Variants in THRB observed in about 807,000 individuals in gnomAD.
The protein encoded by THRB is thyroid hormone receptor beta.
A neutral mutation model predicts 47.8 loss-of-function variants in THRB; 12 were observed. That is an observed-to-expected ratio of 0.25 (90% CI 0.16 to 0.41). THRB has a LOEUF of 0.41. THRB is among the 10% of genes least tolerant of loss of function. The pLI is 1.00. For missense variants in THRB, 348 were observed against 589.2 expected (o/e 0.59, Z 4.24); for synonymous variants, 218 against 212.2 (o/e 1.03, Z -0.24).
At chr3:24,211,573 C>T (rs2046030780) in intron 4 of THRB, among the ~76,000 whole-genome samples, 1 of 152,162 alleles carries the variant, frequency 6.6e-6, no homozygotes, top group Non-Finnish European at 1.5e-5. Context: ...AGGCTTTTAT[C>T]TTAAGCAAGT....
chr3:24,201,362 A>G (rs1162906551), intron 4 of THRB, among the ~76,000 whole-genome samples: 1 of 152,042 alleles, frequency 6.6e-6, no homozygotes, highest in Non-Finnish European at 1.5e-5. Context: ...ATGGCTTGTG[A>G]ATATCTACGG....
intron 1 of THRB, among the ~76,000 whole-genome samples, chr3:24,427,812 T>C (rs1468094633): frequency 6.6e-6 from 1 of 152,088 alleles, no homozygotes; most frequent in Non-Finnish European, 1.5e-5. Flanking sequence ...ACTTGAATCA[T>C]AGTATCACAG....
intron 4 of THRB, among the ~76,000 whole-genome samples, chr3:24,193,380 C>T (rs191776726): frequency 6.6e-6 from 1 of 152,152 alleles, no homozygotes; most frequent in East Asian, 1.9e-4. Context: ...ATCAAGTTCT[C>T]CAGGTGATTC....
chr3:24,322,005 G>A (rs1327124191), intron 2 of THRB, among the ~76,000 whole-genome samples: 4 of 151,926 alleles, frequency 2.6e-5, no homozygotes, highest in African/African-American at 4.8e-5. Flanking sequence ...AATTACAGAT[G>A]TGAGTTGGAT....
intron 1 of THRB, among the ~76,000 whole-genome samples, chr3:24,397,749 AT>A (rs1306058386): frequency 6.6e-6 from 1 of 151,688 alleles, no homozygotes; most frequent in Non-Finnish European, 1.5e-5. Context: ...CACCTGGCTA[AT>A]TTTTTTGTAT....
In THRB at chr3:24,267,239, A is replaced by G. The variant is rs573152483; in HGVS notation, c.-43+29987T>C. The stretch of plus-strand genomic sequence containing the variant: ...AATAGTCAGTGAAGAGGAAAATGAC[A>G]GAATTTGTAGCAGTTACATAAGTGG... On this transcript the variant is annotated intron_variant, in intron 3 of 10. Transcript: ENST00000646209. Among the ~76,000 whole-genome samples, 22 of 152,268 alleles carry G rather than the reference A, an allele frequency of 1.4e-4. 1 individual carries two copies. In the South Asian group the frequency reaches 4.4e-3, roughly 30 times the overall value.
intron 1 of THRB, among the ~76,000 whole-genome samples, chr3:24,451,157 T>C (rs2072609019): frequency 6.6e-6 from 1 of 151,490 alleles, no homozygotes; most frequent in African/African-American, 2.4e-5. Flanking sequence ...ACGTCTAAAT[T>C]ACCAAATATT....
chr3:24,148,976 G>A (rs2036512959), intron 6 of THRB, among the ~76,000 whole-genome samples: 1 of 152,146 alleles, frequency 6.6e-6, no homozygotes, highest in Admixed American at 6.5e-5. Context: ...TTCATACACT[G>A]TTACAAGATT....
chr3:24,454,878 A>G (rs1011962676), intron 1 of THRB, among the ~76,000 whole-genome samples: 2 of 152,176 alleles, frequency 1.3e-5, no homozygotes, highest in African/African-American at 4.8e-5. Flanking sequence ...GATAATGAGA[A>G]TGAGAATCAG....
chr3:24,297,612 C>T (rs1389877082), intron 2 of THRB, among the ~76,000 whole-genome samples: 4 of 152,230 alleles, frequency 2.6e-5, no homozygotes, highest in Non-Finnish European at 2.9e-5. Context: ...GGGATGCTGG[C>T]GGCTTCGTCT....
At chr3:24,330,255 C>T (rs2061838499) in intron 2 of THRB, among the ~76,000 whole-genome samples, 2 of 151,944 alleles carry the variant, frequency 1.3e-5, no homozygotes, top group Non-Finnish European at 2.9e-5. Flanking sequence ...TGCAGTGAGC[C>T]GAGATTGCGC....
intron 1 of THRB, among the ~76,000 whole-genome samples, chr3:24,361,714 T>C (rs115836974): frequency 1.4e-3 from 220 of 152,274 alleles, no homozygotes; most frequent in Non-Finnish European, 1.9e-3. Flanking sequence ...TCCTTATGTA[T>C]GGATTTGTTT....
chr3:24,227,126 CT>C (rs1484124024), intron 4 of THRB, among the ~76,000 whole-genome samples: 1 of 152,166 alleles, frequency 6.6e-6, no homozygotes, highest in East Asian at 1.9e-4. Flanking sequence ...GAGTCCAGAT[CT>C]TTGGACACTT....
At chr3:24,330,121 A>C (rs1477027151) in intron 2 of THRB, among the ~76,000 whole-genome samples, 1 of 151,792 alleles carries the variant, frequency 6.6e-6, no homozygotes, top group African/African-American at 2.4e-5. Flanking sequence ...CTGGCTAACA[A>C]GGTGAAACCC....
At chr3:24,484,751 G>A (rs748169778) in intron 1 of THRB, among the ~76,000 whole-genome samples, 6 of 152,148 alleles carry the variant, frequency 3.9e-5, no homozygotes, top group Non-Finnish European at 8.8e-5. Context: ...AGTTTCAACA[G>A]AGACTGTGTG....
chr3:24,484,362 C>T (rs980002400), intron 1 of THRB, among the ~76,000 whole-genome samples: 1 of 152,054 alleles, frequency 6.6e-6, no homozygotes, highest in Non-Finnish European at 1.5e-5. Flanking sequence ...AGCTACTAGC[C>T]ATAAGTGGCT....
chr3:24,232,404 C>T (rs2048347416), intron 3 of THRB, among the ~76,000 whole-genome samples: 1 of 152,200 alleles, frequency 6.6e-6, no homozygotes, highest in Non-Finnish European at 1.5e-5. Flanking sequence ...TTACCTGTCT[C>T]TTCAGAGTAG....
At chr3:24,239,315 C>A (rs1350074871) in intron 3 of THRB, among the ~76,000 whole-genome samples, 1 of 152,024 alleles carries the variant, frequency 6.6e-6, no homozygotes, top group Non-Finnish European at 1.5e-5. Context: ...CAGTGGCTTT[C>A]TGTGAGGTGT....
intron 5 of THRB, among the ~76,000 whole-genome samples, chr3:24,188,758 G>GCACA (rs10565889): frequency 0.39 from 57,664 of 148,578 alleles, 11,575 homozygotes; most frequent in African/African-American, 0.48. Context: ...GCACACACGT[G>GCACA]CACACACACA....
Sources: allele counts gnomAD v4.1 joint callset (sites outside exome capture counted in the v4.1 genomes callset), GRCh38; gene constraint gnomAD v4.1.1; transcripts MANE v1.5; gene names NCBI Gene and HGNC (gene_info 2026-07-23, HGNC 2026-07-21).